CSMD1: variants seen among roughly 807,000 people sequenced by gnomAD.
CSMD1 encodes CUB and sushi domain-containing protein 1.
In CSMD1, 213 loss-of-function variants were observed where a neutral mutation model predicts 417.5. That is an observed-to-expected ratio of 0.51 (90% CI 0.46 to 0.57). The LOEUF (loss-of-function observed/expected upper bound fraction) is 0.57, where lower values mean the gene tolerates loss of function less well. CSMD1 is among the 20% of genes least tolerant of loss of function. The probability of loss-of-function intolerance (pLI) is 0.00; values close to 1 mark genes in which losing one functional copy is unlikely to be tolerated. For missense variants in CSMD1, 6,923 were observed against 4,529.7 expected, an observed-to-expected ratio of 1.53 and a Z score of -15.17; for synonymous variants, 2,862 against 1,736.8, an observed-to-expected ratio of 1.65 and a Z score of -16.11.
At chr8:3,377,144 G>T (rs1432502583) in intron 18 of CSMD1, among the ~76,000 whole-genome samples, 2 of 152,140 alleles carry the variant, frequency 1.3e-5, no homozygotes, top group African/African-American at 4.8e-5. Context: ...GAACCGCTGG[G>T]ACTATAGGCA....
chr8:4,929,067 A>G (rs1380973044), intron 1 of CSMD1, among the ~76,000 whole-genome samples: 4 of 152,118 alleles, frequency 2.6e-5, no homozygotes, highest in Non-Finnish European at 5.9e-5. Flanking sequence ...GTGACACTCT[A>G]TCTAAACAAC....
chr8:4,492,855 C>T (rs934249042), intron 2 of CSMD1, among the ~76,000 whole-genome samples: 1 of 152,146 alleles, frequency 6.6e-6, no homozygotes. Context: ...CTTTGTTATA[C>T]AGAACATGCT....
intron 1 of CSMD1, among the ~76,000 whole-genome samples, chr8:4,939,241 T>A (rs1488912606): frequency 6.6e-6 from 1 of 152,188 alleles, no homozygotes; most frequent in Non-Finnish European, 1.5e-5. Flanking sequence ...GAAAATTATA[T>A]CGAGATTCCT....
chr8:3,209,940 G>T (rs918913901), intron 30 of CSMD1, among the ~76,000 whole-genome samples: 7 of 152,154 alleles, frequency 4.6e-5, no homozygotes, highest in Admixed American at 6.5e-5. Context: ...TGTGACCCAT[G>T]AAAGGGGCTC....
chr8:3,812,961 C>T (rs1340171442), intron 5 of CSMD1, among the ~76,000 whole-genome samples: 1 of 152,090 alleles, frequency 6.6e-6, no homozygotes, highest in Non-Finnish European at 1.5e-5. Context: ...GTAAAGGGAA[C>T]AGGCAGTGCA....
intron 38 of CSMD1, among the ~76,000 whole-genome samples, chr8:3,161,688 C>T (rs1321916088): frequency 6.7e-6 from 1 of 149,218 alleles, no homozygotes; most frequent in Non-Finnish European, 1.5e-5. Context: ...TGAAAAACTT[C>T]TACTTAATAG....
At chr8:4,235,037 C>T (rs574906687) in intron 3 of CSMD1, among the ~76,000 whole-genome samples, 5 of 152,292 alleles carry the variant, frequency 3.3e-5, no homozygotes, top group African/African-American at 1.2e-4. Flanking sequence ...AAGTCTTCAA[C>T]ATTCGAATTT....
chr8:3,310,676 G>A (rs959874290), intron 23 of CSMD1, among the ~76,000 whole-genome samples: 2 of 152,116 alleles, frequency 1.3e-5, no homozygotes, highest in African/African-American at 4.8e-5. Flanking sequence ...AGGATCCTGG[G>A]AAAACTTAAA....
At chr8:4,654,094 C>T (rs1424259235) in intron 1 of CSMD1, among the ~76,000 whole-genome samples, 3 of 152,078 alleles carry the variant, frequency 2.0e-5, no homozygotes, top group South Asian at 2.1e-4. Flanking sequence ...TTTTCTTTCC[C>T]GGTGCAAACC....
At chr8:4,467,760 C>G (rs559155863) in intron 2 of CSMD1, among the ~76,000 whole-genome samples, 1 of 152,138 alleles carries the variant, frequency 6.6e-6, no homozygotes, top group African/African-American at 2.4e-5. Context: ...AAATATTTAC[C>G]GTAGAAAGCA....
chr8:3,790,229 T>C (rs775860040), intron 5 of CSMD1, among the ~76,000 whole-genome samples: 3 of 152,190 alleles, frequency 2.0e-5, no homozygotes, highest in Non-Finnish European at 4.4e-5. Flanking sequence ...CAAAACTCCT[T>C]TATCAGGGAA....
At chr8:4,006,948 C>G (rs906135336) in intron 4 of CSMD1, among the ~76,000 whole-genome samples, 1 of 149,322 alleles carries the variant, frequency 6.7e-6, no homozygotes, top group East Asian at 2.0e-4. Flanking sequence ...CTGCTTCAGA[C>G]TCACGAGTAG....
At chr8:4,395,874 C>T (rs72624080) in intron 3 of CSMD1, among the ~76,000 whole-genome samples, 1 of 152,090 alleles carries the variant, frequency 6.6e-6, no homozygotes, top group Non-Finnish European at 1.5e-5. Flanking sequence ...GTCTTTAATT[C>T]GGTAGTGTAT....
At chr8:4,285,527 G>C (rs10113352) in intron 3 of CSMD1, among the ~76,000 whole-genome samples, 1 of 151,988 alleles carries the variant, frequency 6.6e-6, no homozygotes, top group Non-Finnish European at 1.5e-5. Flanking sequence ...TCTTGTTTTC[G>C]GATATCAGGG....
chr8:3,242,683 G>A (rs1044951311), intron 26 of CSMD1, among the ~76,000 whole-genome samples: 2 of 152,078 alleles, frequency 1.3e-5, no homozygotes, highest in Non-Finnish European at 2.9e-5. Flanking sequence ...AGAAGAGAGG[G>A]GAATGGAGGG....
intron 10 of CSMD1, among the ~76,000 whole-genome samples, chr8:3,494,798 C>T (rs947849706): frequency 2.6e-5 from 4 of 152,156 alleles, no homozygotes; most frequent in African/African-American, 7.2e-5. Context: ...ACTGGAAGTA[C>T]ATTTTAATAA....
chr8:4,008,857 G>A (rs1181575544), intron 4 of CSMD1, among the ~76,000 whole-genome samples: 11 of 151,856 alleles, frequency 7.2e-5, no homozygotes, highest in African/African-American at 2.2e-4. Flanking sequence ...TGATCCGTCC[G>A]CCTCGGCCTC....
At chr8:4,730,972 A>G (rs1193614099) in intron 1 of CSMD1, among the ~76,000 whole-genome samples, 1 of 152,014 alleles carries the variant, frequency 6.6e-6, no homozygotes, top group Non-Finnish European at 1.5e-5. Context: ...GATTTTACTC[A>G]TTTAGGAAGG....
chr8:4,947,714 A>G (rs1480110290), intron 1 of CSMD1, among the ~76,000 whole-genome samples: 1 of 152,052 alleles, frequency 6.6e-6, no homozygotes, highest in Non-Finnish European at 1.5e-5. Context: ...TATTTTGTCT[A>G]AAGTTTGTAG....
Sources: gnomAD v4.1 joint callset for allele counts (sites outside exome capture counted in the v4.1 genomes callset) on GRCh38, gnomAD v4.1.1 for gene constraint, MANE v1.5 for transcripts, NCBI Gene and HGNC (gene_info 2026-07-23, HGNC 2026-07-21) for gene names.